The following GRM6 variants were observed in gnomAD, a reference collection of about 807,000 sequenced individuals.
GRM6 encodes the protein glutamate metabotropic receptor 6, also known as metabotropic glutamate receptor 6.
GRM6 carries 73 observed loss-of-function variants against 78.4 expected under a neutral mutation model. The observed-to-expected ratio is 0.93, with a 90% CI of 0.77 to 1.13. GRM6 has a LOEUF of 1.13. Ranked by LOEUF, GRM6 falls within the 50% of genes most tolerant of loss-of-function variation. GRM6 has a pLI of 0.00. For synonymous variants in GRM6, 580 were observed against 555.0 expected, an observed-to-expected ratio of 1.05 and a Z score of -0.63; for missense variants, 1,251 against 1,256.4, an observed-to-expected ratio of 1.00 and a Z score of 0.07.
intron 10 of GRM6, among the ~76,000 whole-genome samples, chr5:178,982,205 C>T (rs938219931): frequency 6.6e-6 from 1 of 152,186 alleles, no homozygotes; most frequent in East Asian, 1.9e-4. Flanking sequence ...AAATGGATGA[C>T]AGGTGCATAA....
At chr5:178,984,807 G>A (rs993511957) in intron 9 of GRM6, among the ~76,000 whole-genome samples, 8 of 152,106 alleles carry the variant, frequency 5.3e-5, no homozygotes, top group Admixed American at 6.5e-5. Context: ...GGGGCTCGCC[G>A]GGAGTGGACA....
intron 9 of GRM6, chr5:178,985,333 C>A: frequency 2.2e-6 from 1 of 448,518 alleles, no homozygotes; most frequent in Non-Finnish European, 4.5e-6. Context: ...CTTCAAGGAC[C>A]CAGCAGGGGA....
chr5:178,987,948 T>TG (rs1161306174), intron 7 of GRM6, among the ~76,000 whole-genome samples: 6 of 148,892 alleles, frequency 4.0e-5, no homozygotes, highest in Non-Finnish European at 8.9e-5. Flanking sequence ...TTAGTAGAGA[T>TG]GGGGTTTCAC....
At position 178,981,571 on chromosome 5, in the gene GRM6, C is replaced by A; in HGVS notation, c.*86G>T. 9.5e-7 allele frequency: 1 copy of A among 1,056,440 alleles called. No homozygotes were observed. The highest frequency in any genetic ancestry group is 1.4e-6 in the Non-Finnish European group (1 of 695,084). The allele number at this position is 1,056,440 out of a possible 1,614,324, so 65.4% of individuals were successfully genotyped here. On this transcript the variant is annotated 3_prime_UTR_variant, in exon 11 of 11. Transcript: ENST00000517717. This position sits in a 1 kb window ranked among gnomAD's most constrained non-coding sequence, Gnocchi z 5.1. ...AAACTCCCTGCCACTGACTGTTCAC[C>A]GTGGACCCGGGCTCTATACAGCTTC... is the stretch of plus-strand genomic sequence containing the variant.
At chr5:178,985,510 T>A (rs539377714) in intron 9 of GRM6, 3 of 337,018 alleles carry the variant, frequency 8.9e-6, no homozygotes, top group Admixed American at 4.1e-5. Context: ...GAGACCATCC[T>A]GGCTAACACG....
At chr5:178,985,544 A>G (rs980578916) in intron 9 of GRM6, 5 of 338,114 alleles carry the variant, frequency 1.5e-5, no homozygotes, top group Admixed American at 4.0e-5. Context: ...TCTACTAAAA[A>G]TACAAAAAAT....
At position 178,989,107 on chromosome 5, in the gene GRM6, G is replaced by T; in HGVS notation, c.1182C>A (p.Thr394=). 1 of 1,614,094 alleles carries T rather than the reference G, an allele frequency of 6.2e-7. No individual in the cohort carries two copies. The highest frequency in any genetic ancestry group is 8.5e-7 in the Non-Finnish European group (1 of 1,180,000). The change falls in exon 7 of 11, where the codon ACC becomes ACA. Residue 394 remains threonine, a synonymous_variant. Transcript: ENST00000517717. ...ACTGCACCTTGCCCTCCTGCTCGTA[G>T]GTGGAGTCCCGGCCGATGCGTTCCT... is the stretch of plus-strand genomic sequence containing the variant. ...TGEERIGRDS[T]YEQEGKVQFV...
In GRM6 at chr5:178,992,128, A is replaced by G; in HGVS notation, c.505-45T>C. On this transcript the variant is annotated intron_variant, in intron 2 of 10. Transcript: ENST00000517717. The surrounding 1 kb of genome is among the most constrained non-coding windows in gnomAD (Gnocchi z 4.9). Reference sequence around the variant, plus strand: ...GCTGGGCTGTGGATGGAGGTCAGTAACTCAAGAGAGGGAGGGTAAGGGGGG... The same window carrying G: ...GCTGGGCTGTGGATGGAGGTCAGTAGCTCAAGAGAGGGAGGGTAAGGGGGG... 1 of 1,395,022 alleles carries G rather than the reference A, an allele frequency of 7.2e-7. No individual in the cohort carries two copies. The highest frequency in any genetic ancestry group is 1.0e-6 in the Non-Finnish European group (1 of 986,278). The allele number at this position is 1,395,022 out of a possible 1,614,324, so 86.4% of individuals were successfully genotyped here. A position where few individuals can be genotyped will look rare whatever the true frequency, so the allele number is the denominator to read the frequency against.
rs1302222417 is a variant in GRM6 at position 178,990,772 on chromosome 5, G to A, written c.858-26C>T. 6 of 1,542,310 alleles carry A rather than the reference G, an allele frequency of 3.9e-6. No individual in the cohort carries two copies. In the East Asian group the frequency reaches 1.5e-4, roughly 38 times the overall value. On this transcript the variant is annotated intron_variant, in intron 4 of 10. Transcript: ENST00000517717. Reference sequence around the variant, plus strand: ...CTGGTAGGAGCAGGGCTGGGGTGAGGGAGGGCCTGGGAGCCTCCTCCAGCT... The same window carrying A: ...CTGGTAGGAGCAGGGCTGGGGTGAGAGAGGGCCTGGGAGCCTCCTCCAGCT...
chr5:178,983,358 C>T (rs267600578), intron 9 of GRM6, 137 bp from the exon 10 acceptor site: 2 of 785,992 alleles, frequency 2.5e-6, no homozygotes, highest in Non-Finnish European at 2.2e-6. Context: ...TTCGTGGTGG[C>T]TCTCAGGAGC....
chr5:178,983,280 C>T, intron 9 of GRM6, 59 bp from the exon 10 acceptor site: 1 of 1,456,798 alleles, frequency 6.9e-7, no homozygotes, highest in Non-Finnish European at 9.6e-7. Flanking sequence ...CCATTCCAGC[C>T]CTGACAGAGG....
chr5:178,992,220 G>T lies in GRM6; in HGVS notation c.505-137C>A, dbSNP rs866414842. Reference sequence around the variant, plus strand: ...CTGGGACACAGATGGGAGATGGAAGGGTTGGGGTGGGGACCTGGGGCCAGC... The same window carrying T: ...CTGGGACACAGATGGGAGATGGAAGTGTTGGGGTGGGGACCTGGGGCCAGC... On this transcript the variant is annotated intron_variant, in intron 2 of 10. Transcript: ENST00000517717. This position sits in a 1 kb window ranked among gnomAD's most constrained non-coding sequence, Gnocchi z 4.9. The T allele has an allele frequency of 2.5e-5, 18 of 717,890 alleles. No homozygotes were observed. In the East Asian group the frequency reaches 3.0e-4, roughly 12 times the overall value. The allele number at this position is 717,890 out of a possible 1,614,324, so 44.5% of individuals were successfully genotyped here.
chr5:178,982,304 G>A (rs547628665), intron 10 of GRM6, among the ~76,000 whole-genome samples: 10 of 152,236 alleles, frequency 6.6e-5, no homozygotes, highest in South Asian at 2.1e-4. Context: ...AAGCCTGGGC[G>A]CAGTGGCTCA....
chr5:178,990,254 G>C (rs986867986), intron 5 of GRM6: 16 of 371,340 alleles, frequency 4.3e-5, no homozygotes, highest in Non-Finnish European at 7.8e-5. Context: ...CACCAGGATG[G>C]TATATTCCGT....
Position 178,979,622 on chromosome 5 carries a change from C to T in GRM6, c.*2035G>A, listed in dbSNP as rs1229173766. 1 of 152,234 alleles carries T rather than the reference C, an allele frequency of 6.6e-6. No individual in the cohort carries two copies. The highest frequency in any genetic ancestry group is 2.4e-5 in the African/African-American group (1 of 41,450). The allele number at this position is 152,234 out of a possible 1,614,324, so 9.4% of individuals were successfully genotyped here. A position where few individuals can be genotyped will look rare whatever the true frequency, so the allele number is the denominator to read the frequency against. ...TCACACTGGGGAGAAATCCTCAGTG[C>T]AATCAGTGTAGAAATGCCTCTACTA... is the stretch of plus-strand genomic sequence containing the variant. On this transcript the variant is annotated 3_prime_UTR_variant, in exon 11 of 11. Transcript: ENST00000517717.
chr5:178,990,850 C>A, intron 4 of GRM6, 104 bp from the exon 5 acceptor site: 1 of 967,802 alleles, frequency 1.0e-6, no homozygotes, highest in Non-Finnish European at 1.5e-6. Context: ...TAATCACTCA[C>A]CAGATCCTTG....
rs1429287475 is a variant in GRM6, at chr5:178,981,801, C to A, written c.2490G>T (p.Val830=). ...TGGGTACGTAGAGCATGCCGAGGGA[C>A]ACCGAGGCACTCAGGCTCAAGGACA... ...LTVSLSLSAS[V]SLGMLYVPKT... is the part of the protein sequence containing the mutation. The change falls in exon 11 of 11, where the codon GTG becomes GTT. Residue 830 remains valine, a synonymous_variant. Coordinates refer to ENST00000517717, the MANE Select transcript of GRM6 (RefSeq NM_000843.4). This position sits in a 1 kb window ranked among gnomAD's most constrained non-coding sequence, Gnocchi z 5.1. The A allele has an allele frequency of 6.2e-7, 1 of 1,612,464 alleles. No individual in the cohort carries two copies. Among genetic ancestry groups the A allele is most frequent in the Non-Finnish European group, 8.5e-7 (1 of 1,178,608 alleles).
chr5:178,994,793 C>T lies in GRM6; in HGVS notation c.152G>A (p.Gly51Asp), dbSNP rs1413749549. 2 of 1,316,890 alleles carry T rather than the reference C, an allele frequency of 1.5e-6. No individual in the cohort carries two copies. Among genetic ancestry groups the T allele is most frequent in the East Asian group, 3.4e-5 (1 of 29,652 alleles). The allele number at this position is 1,316,890 out of a possible 1,614,324, so 81.6% of individuals were successfully genotyped here. The change falls in exon 2 of 11, where the codon GGC becomes GAC. Residue 51 changes from glycine to aspartate, a missense_variant. Gly to Asp is a moderately conservative substitution (Grantham distance 94). Coordinates refer to ENST00000517717, the MANE Select transcript of GRM6 (RefSeq NM_000843.4). ...LGGLFPVHAR[G>D]AAGRACGQLK... ...CTGCCCGCACGCCCGGCCCGCCGCG[C>T]CCCGCGCGTGCACCGGGAACAGGCC...
In GRM6 at chr5:178,981,529, C is replaced by G; in HGVS notation, c.*128G>C. 1 of 705,874 alleles carries G rather than the reference C, an allele frequency of 1.4e-6. No homozygotes were observed. Among genetic ancestry groups the G allele is most frequent in the Non-Finnish European group, 2.4e-6 (1 of 413,240 alleles). The allele number at this position is 705,874 out of a possible 1,614,324, so 43.7% of individuals were successfully genotyped here. ...CTTCTCAAGGCCAGCCCCACCGACG[C>G]GGAGCATGGTCTTGGCAAACTCCCT... On this transcript the variant is annotated 3_prime_UTR_variant, in exon 11 of 11. Coordinates refer to ENST00000517717, the MANE Select transcript of GRM6 (RefSeq NM_000843.4). The surrounding 1 kb of genome is among the most constrained non-coding windows in gnomAD (Gnocchi z 5.1).
Sources: allele counts gnomAD v4.1 joint callset (sites outside exome capture counted in the v4.1 genomes callset), GRCh38; gene constraint gnomAD v4.1.1; non-coding constraint Gnocchi (gnomAD v3.1); transcripts MANE v1.5; gene names NCBI Gene and HGNC (gene_info 2026-07-23, HGNC 2026-07-21).